ITPKC: variants seen among roughly 807,000 people sequenced by gnomAD.
The protein encoded by ITPKC is IP3 3-kinase C.
Under a neutral mutation model 67.1 loss-of-function variants are expected in ITPKC, and 33 were observed. That is an observed-to-expected ratio of 0.49 (90% CI 0.37 to 0.66). The LOEUF (loss-of-function observed/expected upper bound fraction) is 0.66, where lower values mean the gene tolerates loss of function less well. Among genes scored for constraint, ITPKC ranks in the 30% least tolerant of loss-of-function variants. The pLI is 0.00. For missense variants in ITPKC, 820 were observed against 892.1 expected (o/e 0.92, Z 1.03); for synonymous variants, 341 against 359.8 (o/e 0.95, Z 0.59).
At chr19:40,729,628 G>A (rs1056096606) in intron 3 of ITPKC, among the ~76,000 whole-genome samples, 5 of 152,096 alleles carry the variant, frequency 3.3e-5, no homozygotes, top group East Asian at 1.9e-4. Flanking sequence ...TTAGCCAGGC[G>A]TGGTGGTGCA....
At chr19:40,734,397 TA>T (rs1402414926) in intron 4 of ITPKC, among the ~76,000 whole-genome samples, 2 of 152,120 alleles carry the variant, frequency 1.3e-5, no homozygotes, top group African/African-American at 2.4e-5. Flanking sequence ...GGTCAAAGCT[TA>T]AAGGCATGGG....
Position 40,717,495 on chromosome 19 carries a change from C to T in ITPKC, c.360C>T (p.Leu120=), listed in dbSNP as rs560982738. The T allele has an allele frequency of 6.2e-7, 1 of 1,614,124 alleles. No homozygotes were observed. The highest frequency in any genetic ancestry group is 1.6e-4 in the Middle Eastern group (1 of 6,062). ...KQKTEPDRSS[L]RTHLEWSWSE... is the part of the protein sequence containing the mutation. ...AGACGGAGCCAGACAGGTCCAGCCT[C>T]CGGACGCATCTAGAATGGAGCTGGT... The change falls in exon 1 of 7, where the codon CTC becomes CTT. Residue 120 remains leucine (L), a synonymous_variant. Coordinates refer to ENST00000263370, the MANE Select transcript of ITPKC (RefSeq NM_025194.3).
chr19:40,724,947 T>TGA (rs1555762054), intron 1 of ITPKC, among the ~76,000 whole-genome samples: 3 of 119,774 alleles, frequency 2.5e-5, no homozygotes, highest in Non-Finnish European at 3.5e-5. Context: ...CTGTCTCAAT[T>TGA]AAAAAAAAAA....
At chr19:40,735,800 C>G (rs1159052738) in intron 4 of ITPKC, among the ~76,000 whole-genome samples, 2 of 152,192 alleles carry the variant, frequency 1.3e-5, no homozygotes, top group African/African-American at 4.8e-5. Flanking sequence ...CTGAGCCCTA[C>G]TGAAACATAA....
intron 2 of ITPKC, among the ~76,000 whole-genome samples, chr19:40,727,389 A>C (rs2082251178): frequency 6.6e-6 from 1 of 151,968 alleles, no homozygotes; most frequent in African/African-American, 2.4e-5. Flanking sequence ...AAACCCAAAA[A>C]CCCCAAGACT....
chr19:40,721,180 G>T (rs1442071093), intron 1 of ITPKC, among the ~76,000 whole-genome samples: 1 of 152,082 alleles, frequency 6.6e-6, no homozygotes, highest in Non-Finnish European at 1.5e-5. Flanking sequence ...CCAGGCCCAT[G>T]AAAGAGACAG....
Position 40,717,471 on chromosome 19 carries a change from G to T in ITPKC, c.336G>T (p.Lys112Asn), listed in dbSNP as rs762190765. The T allele has an allele frequency of 7.4e-6, 12 of 1,614,106 alleles. No homozygotes were observed. In the South Asian group the frequency reaches 1.3e-4, roughly 18 times the overall value. Residue 112 changes from lysine (K) to asparagine (N), a missense_variant, in exon 1 of 7, where the codon AAG becomes AAT. Transcript: ENST00000263370. ...LGVETERPKQ[K>N]TEPDRSSLRT... ...TAGAGACCGAGAGGCCCAAGCAAAA[G>T]ACGGAGCCAGACAGGTCCAGCCTCC...
In ITPKC at chr19:40,737,034, G is replaced by C; in HGVS notation, c.1723G>C (p.Glu575Gln). ...NTNFKKTQAL[E>Q]QVTKVLEDFV... Reference sequence around the variant, plus strand: ...CAACTTCAAGAAGACGCAGGCACTGGAGCAGGTGACAAAAGTGCTGGAGGA... The same window carrying C: ...CAACTTCAAGAAGACGCAGGCACTGCAGCAGGTGACAAAAGTGCTGGAGGA... The change falls in exon 5 of 7, where the codon GAG (glutamate) becomes CAG (glutamine). Residue 575 changes from glutamate (E) to glutamine (Q), a missense_variant. By Grantham distance (29) the Glu-to-Gln change is conservative (BLOSUM62 2). This residue lies in a region of ITPKC where 339 missense variants were observed against 422.0 expected (regional missense o/e 0.80). Coordinates refer to ENST00000263370, the MANE Select transcript of ITPKC (RefSeq NM_025194.3). The C allele has an allele frequency of 6.3e-7, 1 of 1,594,476 alleles. No individual in the cohort carries two copies. Among genetic ancestry groups the C allele is most frequent in the Non-Finnish European group, 8.6e-7 (1 of 1,169,072 alleles).
intron 3 of ITPKC, 133 bp downstream of exon 3, chr19:40,729,548 C>G: frequency 1.3e-6 from 1 of 760,486 alleles, no homozygotes; most frequent in Non-Finnish European, 2.1e-6. Flanking sequence ...GGTGGATCAC[C>G]TGAGGTTGGG....
At chr19:40,734,069 C>G (rs1430970461) in intron 4 of ITPKC, among the ~76,000 whole-genome samples, 2 of 152,182 alleles carry the variant, frequency 1.3e-5, no homozygotes, top group Non-Finnish European at 2.9e-5. Context: ...TGTATTTCTT[C>G]CTGTTAGTGC....
chr19:40,735,364 G>T (rs1277705977), intron 4 of ITPKC, among the ~76,000 whole-genome samples: 2 of 150,890 alleles, frequency 1.3e-5, no homozygotes, highest in South Asian at 4.2e-4. Context: ...TTGAGACAGG[G>T]TCTCACTCTG....
chr19:40,729,707 C>T (rs921965278), intron 3 of ITPKC, among the ~76,000 whole-genome samples: 10 of 151,880 alleles, frequency 6.6e-5, no homozygotes, highest in African/African-American at 1.7e-4. Flanking sequence ...GTGGAGGTTG[C>T]GGTGAGCTGA....
intron 3 of ITPKC, among the ~76,000 whole-genome samples, chr19:40,729,996 A>G (rs938941489): frequency 6.6e-6 from 1 of 151,636 alleles, no homozygotes; most frequent in African/African-American, 2.4e-5. Context: ...GCTGGAGTGC[A>G]GTGGCACGAT....
chr19:40,737,392 G>A (rs896795186), intron 5 of ITPKC, among the ~76,000 whole-genome samples: 1 of 152,250 alleles, frequency 6.6e-6, no homozygotes, highest in Non-Finnish European at 1.5e-5. Flanking sequence ...TGATGCCTGG[G>A]CTCAGAATGG....
intron 1 of ITPKC, among the ~76,000 whole-genome samples, chr19:40,723,191 G>C (rs573639072): frequency 6.4e-4 from 98 of 152,260 alleles, no homozygotes; most frequent in Non-Finnish European, 1.1e-3. Flanking sequence ...TCAATCTCCT[G>C]ACCTCATGAT....
At chr19:40,738,777 A>C (rs2082307244) in intron 6 of ITPKC, among the ~76,000 whole-genome samples, 1 of 152,204 alleles carries the variant, frequency 6.6e-6, no homozygotes, top group South Asian at 2.1e-4. Context: ...TCTGAGGTAA[A>C]TGATCCTACA....
intron 4 of ITPKC, among the ~76,000 whole-genome samples, chr19:40,736,423 C>T (rs1223146967): frequency 6.6e-6 from 1 of 152,088 alleles, no homozygotes; most frequent in Non-Finnish European, 1.5e-5. Flanking sequence ...AGGCATGTGA[C>T]CTGGGGCTGG....
Position 40,717,889 on chromosome 19 carries a change from A to T in ITPKC, c.754A>T (p.Lys252Ter). The T allele has an allele frequency of 6.2e-7, 1 of 1,613,990 alleles. No individual in the cohort carries two copies. Among genetic ancestry groups the T allele is most frequent in the East Asian group, 2.2e-5 (1 of 44,890 alleles). ...GCCATATACTGATGGCTCCCAGAAA[A>T]AACAGGATACTGAAGCAGCCAGGAA... ...TEPYTDGSQKKQDTEAARKQP... is the reference protein window; with the variant it reads ...TEPYTDGSQK Residue 252 changes from lysine to a stop codon, truncating the protein, a stop_gained, in exon 1 of 7, where the codon AAA (lysine) becomes TAA (stop). Coordinates refer to ENST00000263370, the MANE Select transcript of ITPKC (RefSeq NM_025194.3). LOFTEE classifies it high-confidence loss of function.
chr19:40,726,176 G>T (rs1207510989), intron 2 of ITPKC, among the ~76,000 whole-genome samples: 4 of 152,110 alleles, frequency 2.6e-5, no homozygotes, highest in Non-Finnish European at 4.4e-5. Context: ...GGGAGGTGAA[G>T]GTTGCAGTGA....
Sources: gnomAD v4.1 joint callset for allele counts (sites outside exome capture counted in the v4.1 genomes callset) on GRCh38, gnomAD v4.1.1 for gene constraint, gnomAD v4.1.1 regional missense constraint, MANE v1.5 for transcripts, NCBI Gene and HGNC (gene_info 2026-07-23, HGNC 2026-07-21) for gene names.